The following MTUS2 variants were observed in gnomAD, a reference collection of about 807,000 sequenced individuals.
MTUS2 encodes the protein microtubule-associated tumor suppressor candidate 2.
A neutral mutation model predicts 114.1 loss-of-function variants in MTUS2; 40 were observed. That is an observed-to-expected ratio of 0.35 (90% CI 0.27 to 0.46). The LOEUF is 0.46. MTUS2 is among the 20% of genes least tolerant of loss of function. The probability of loss-of-function intolerance (pLI) is 1.00; values close to 1 mark genes in which losing one functional copy is unlikely to be tolerated. For missense variants in MTUS2, 1,679 were observed against 1,705.4 expected (o/e 0.98, Z 0.27); for synonymous variants, 688 against 672.0 (o/e 1.02, Z -0.37).
At chr13:28,830,846 C>T (rs1874620843) in intron 1 of MTUS2, among the ~76,000 whole-genome samples, 1 of 151,912 alleles carries the variant, frequency 6.6e-6, no homozygotes, top group South Asian at 2.1e-4. Flanking sequence ...AAACTGGAGG[C>T]TAGAAGATAG....
chr13:29,383,096 A>T (rs954214174), intron 8 of MTUS2, among the ~76,000 whole-genome samples: 1 of 152,136 alleles, frequency 6.6e-6, no homozygotes, highest in African/African-American at 2.4e-5. Flanking sequence ...ACAGACATGT[A>T]TTTAATGATG....
In MTUS2 at chr13:29,232,093, G is replaced by A. The variant is rs148367570; in HGVS notation, c.2645-49611G>A. Among the ~76,000 whole-genome samples the A allele has an allele frequency of 4.0e-3, 605 of 152,248 alleles. 5 individuals are homozygous for A. Among genetic ancestry groups the A allele is most frequent in the African/African-American group, 0.014 (573 of 41,526 alleles). On this transcript the variant is annotated intron_variant, in intron 5 of 15. Transcript: ENST00000612955. ...ACTGTGGCAAAGGAATACATGCCCTGTCTAAAGGTGCAAAGTCTCTACCTC... is the reference window on the plus strand; with the variant it reads ...ACTGTGGCAAAGGAATACATGCCCTATCTAAAGGTGCAAAGTCTCTACCTC...
chr13:29,462,632 A>G (rs1384264729), intron 9 of MTUS2, among the ~76,000 whole-genome samples: 6 of 152,066 alleles, frequency 3.9e-5, no homozygotes, highest in Non-Finnish European at 7.4e-5. Flanking sequence ...TGAGGCAGGG[A>G]CAGGAGACCT....
chr13:29,220,622 A>G (rs1311051355), intron 5 of MTUS2, among the ~76,000 whole-genome samples: 2 of 152,210 alleles, frequency 1.3e-5, no homozygotes, highest in East Asian at 1.9e-4. Context: ...ATGTTTATCA[A>G]TTAAATTTGC....
chr13:29,348,604 A>G (rs143198669), intron 7 of MTUS2, among the ~76,000 whole-genome samples: 2 of 152,328 alleles, frequency 1.3e-5, no homozygotes, highest in Admixed American at 6.5e-5. Context: ...AGTATTCTAT[A>G]CCCTTACTGA....
chr13:28,883,469 A>G (rs1203787418), intron 2 of MTUS2, among the ~76,000 whole-genome samples: 1 of 152,218 alleles, frequency 6.6e-6, no homozygotes, highest in African/African-American at 2.4e-5. Flanking sequence ...TAACAATGAG[A>G]AGGAATGAGC....
intron 2 of MTUS2, among the ~76,000 whole-genome samples, chr13:29,005,673 T>C (rs937126178): frequency 2.0e-5 from 3 of 152,248 alleles, no homozygotes; most frequent in Admixed American, 6.5e-5. Flanking sequence ...GTACTGACTT[T>C]AGCACATGTG....
rs899614232 is a variant in MTUS2 at position 28,837,581 on chromosome 13, T to A, written c.-315-2197T>A. ...ACATGTATATATCTACTTCACAGAC[T>A]TTAGCCAGTACTCCTTAATTTTGTT... On this transcript the variant is annotated intron_variant, in intron 1 of 15. Coordinates refer to ENST00000612955, the MANE Select transcript of MTUS2 (RefSeq NM_001033602.4). 3.3e-5 allele frequency among the ~76,000 whole-genome samples: 5 copies of A among 152,312 alleles called. No homozygotes were observed. In the East Asian group the frequency reaches 9.6e-4, roughly 29 times the overall value.
At chr13:29,302,020 A>G (rs1347721987) in intron 6 of MTUS2, among the ~76,000 whole-genome samples, 1 of 152,152 alleles carries the variant, frequency 6.6e-6, no homozygotes, top group Non-Finnish European at 1.5e-5. Context: ...CACCTCCCAA[A>G]GGCCCCACCT....
intron 8 of MTUS2, among the ~76,000 whole-genome samples, chr13:29,414,470 A>T (rs1241368650): frequency 2.5e-3 from 21 of 8,244 alleles, no homozygotes; most frequent in Middle Eastern, 0.045. Flanking sequence ...AAAAAAATTA[A>T]AAAAAAAAAA....
chr13:29,133,310 G>T (rs1168877430), intron 5 of MTUS2, among the ~76,000 whole-genome samples: 1 of 151,966 alleles, frequency 6.6e-6, no homozygotes, highest in Non-Finnish European at 1.5e-5. Flanking sequence ...CATTCTGTGG[G>T]TTGCCTTTTA....
intron 6 of MTUS2, among the ~76,000 whole-genome samples, chr13:29,304,939 TTCAGAC>T (rs1188044823): frequency 4.6e-5 from 7 of 152,022 alleles, no homozygotes; most frequent in Non-Finnish European, 8.8e-5. Flanking sequence ...ATAACAGTCT[TTCAGAC>T]TACAGCACAA....
chr13:29,496,250 G>T lies in MTUS2; in HGVS notation c.3580-988G>T, dbSNP rs1377931013. 6.6e-6 allele frequency: 1 copy of T among 152,584 alleles called. No homozygotes were observed. The highest frequency in any genetic ancestry group is 1.5e-5 in the Non-Finnish European group (1 of 68,282). The allele number at this position is 152,584 out of a possible 1,614,324, so 9.5% of individuals were successfully genotyped here. On this transcript the variant is annotated intron_variant, in intron 12 of 15. Transcript: ENST00000612955. This position sits in a 1 kb window ranked among gnomAD's most constrained non-coding sequence, Gnocchi z 4.3. ...GCCTGCAGGTGGAGAGCAGCCAGCT[G>T]CCTGCCTAGCTGACAGGCATGGGAA...
intron 8 of MTUS2, among the ~76,000 whole-genome samples, chr13:29,409,496 G>A (rs1875052466): frequency 6.6e-6 from 1 of 151,866 alleles, no homozygotes; most frequent in Non-Finnish European, 1.5e-5. Context: ...TAGATTCATT[G>A]TATTCCCTTT....
chr13:29,276,592 T>C (rs1898071396), intron 5 of MTUS2, among the ~76,000 whole-genome samples: 1 of 152,132 alleles, frequency 6.6e-6, no homozygotes, highest in Admixed American at 6.5e-5. Context: ...ACCAACCAGC[T>C]CAATATTTAA....
chr13:28,884,986 T>G (rs1878508243), intron 2 of MTUS2, among the ~76,000 whole-genome samples: 1 of 152,098 alleles, frequency 6.6e-6, no homozygotes, highest in Non-Finnish European at 1.5e-5. Flanking sequence ...GTATAAAAAT[T>G]AATTGCACCT....
chr13:29,186,617 A>T (rs1241754726), intron 5 of MTUS2, among the ~76,000 whole-genome samples: 1 of 152,340 alleles, frequency 6.6e-6, no homozygotes, highest in African/African-American at 2.4e-5. Context: ...AAGCCCCAAA[A>T]TACATGAAGC....
intron 5 of MTUS2, among the ~76,000 whole-genome samples, chr13:29,142,401 G>A (rs1892260202): frequency 6.6e-6 from 1 of 152,030 alleles, no homozygotes; most frequent in African/African-American, 2.4e-5. Context: ...AGGAATGCAA[G>A]CAAATTAAAG....
chr13:28,931,529 T>G (rs1881616481), intron 2 of MTUS2, among the ~76,000 whole-genome samples: 1 of 152,164 alleles, frequency 6.6e-6, no homozygotes, highest in African/African-American at 2.4e-5. Flanking sequence ...CCTTCCACCA[T>G]GATTGTAAGT....
Sources: gnomAD v4.1 joint callset for allele counts (sites outside exome capture counted in the v4.1 genomes callset) on GRCh38, gnomAD v4.1.1 for gene constraint, Gnocchi (gnomAD v3.1) non-coding constraint, MANE v1.5 for transcripts, NCBI Gene and HGNC (gene_info 2026-07-23, HGNC 2026-07-21) for gene names.